The following FUT8 variants were observed in gnomAD, a reference collection of about 807,000 sequenced individuals.
FUT8 encodes the protein alpha-(1,6)-fucosyltransferase.
Under a neutral mutation model 71.3 loss-of-function variants are expected in FUT8, and 29 were observed. That is an observed-to-expected ratio of 0.41 (90% confidence interval 0.30 to 0.55). The LOEUF (loss-of-function observed/expected upper bound fraction) is 0.55, where lower values mean the gene tolerates loss of function less well. Ranked by LOEUF, FUT8 falls within the 20% of genes least tolerant of loss-of-function variation. FUT8 has a pLI of 0.34. For synonymous variants in FUT8, 254 were observed against 239.3 expected, an observed-to-expected ratio of 1.06 and a Z score of -0.57; for missense variants, 544 against 702.1, an observed-to-expected ratio of 0.77 and a Z score of 2.55.
upstream of FUT8, among the ~76,000 whole-genome samples, chr14:65,410,237 A>G (rs1357677789): frequency 6.6e-6 from 1 of 152,216 alleles, no homozygotes; most frequent in Non-Finnish European, 1.5e-5. Context: ...GAGAAGAGGC[A>G]GGGTATAAAA....
intron 1 of FUT8, among the ~76,000 whole-genome samples, chr14:65,418,758 G>A (rs188952849): frequency 9.2e-4 from 140 of 152,166 alleles, no homozygotes; most frequent in Non-Finnish European, 1.8e-3. Context: ...TAAGAAATGC[G>A]GGAATTGACC....
chr14:65,656,492 A>G (rs1891687486), intron 6 of FUT8, among the ~76,000 whole-genome samples: 2 of 152,246 alleles, frequency 1.3e-5, no homozygotes. Flanking sequence ...GAGAACATAA[A>G]AAATGGAAAG....
At chr14:65,486,066 T>G (rs1170027367) in intron 2 of FUT8, among the ~76,000 whole-genome samples, 2 of 152,222 alleles carry the variant, frequency 1.3e-5, no homozygotes, top group African/African-American at 4.8e-5. Flanking sequence ...ATTTTCCATT[T>G]TTTAAAACTT....
At chr14:65,508,761 C>G (rs1279399588) in intron 2 of FUT8, among the ~76,000 whole-genome samples, 1 of 152,088 alleles carries the variant, frequency 6.6e-6, no homozygotes, top group Non-Finnish European at 1.5e-5. Context: ...TTCCGCCTCC[C>G]AAAGTGCTGG....
the FUT8 span, among the ~76,000 whole-genome samples, chr14:65,360,248 A>G: frequency 1.3e-5 from 2 of 152,242 alleles, no homozygotes; most frequent in African/African-American, 2.4e-5. Context: ...ATCAAAATCT[A>G]ACATGAAACA....
chr14:65,401,332 T>A, the FUT8 span, among the ~76,000 whole-genome samples: 1 of 152,180 alleles, frequency 6.6e-6, no homozygotes, highest in Non-Finnish European at 1.5e-5. Flanking sequence ...CCAGTTCCTG[T>A]GTTTGCTACA....
At chr14:65,381,692 C>A in the FUT8 span, among the ~76,000 whole-genome samples, 1 of 152,138 alleles carries the variant, frequency 6.6e-6, no homozygotes, top group African/African-American at 2.4e-5. Context: ...ATTCCTTTCC[C>A]AGGCTGACTA....
At chr14:65,484,038 A>G (rs902893769) in intron 2 of FUT8, among the ~76,000 whole-genome samples, 6 of 152,132 alleles carry the variant, frequency 3.9e-5, no homozygotes, top group Non-Finnish European at 2.9e-5. Context: ...ATAACATACA[A>G]TTTTTAATTG....
chr14:65,651,365 C>T (rs1441216157), intron 6 of FUT8, among the ~76,000 whole-genome samples: 3 of 152,198 alleles, frequency 2.0e-5, no homozygotes, highest in Non-Finnish European at 2.9e-5. Flanking sequence ...CAGAACAACA[C>T]TAAAAAGACC....
intron 2 of FUT8, among the ~76,000 whole-genome samples, chr14:65,537,448 C>T (rs772383031): frequency 1.3e-4 from 20 of 152,052 alleles, no homozygotes; most frequent in South Asian, 2.1e-4. Flanking sequence ...AGTGCAGTGG[C>T]GTGATCTCAG....
intron 2 of FUT8, among the ~76,000 whole-genome samples, chr14:65,520,401 A>C (rs1044545914): frequency 4.6e-5 from 7 of 152,120 alleles, no homozygotes; most frequent in African/African-American, 1.4e-4. Flanking sequence ...AGAGGAGAGA[A>C]GACATGTTCT....
At chr14:65,612,989 G>T (rs1223224047) in intron 3 of FUT8, among the ~76,000 whole-genome samples, 1 of 151,954 alleles carries the variant, frequency 6.6e-6, no homozygotes, top group African/African-American at 2.4e-5. Flanking sequence ...AGTTTGGAAA[G>T]AATAGTTCTC....
At chr14:65,486,512 T>A (rs1228722295) in intron 2 of FUT8, among the ~76,000 whole-genome samples, 1 of 152,196 alleles carries the variant, frequency 6.6e-6, no homozygotes, top group African/African-American at 2.4e-5. Context: ...CATGAAGAAG[T>A]CTTTAAGTCA....
intron 6 of FUT8, among the ~76,000 whole-genome samples, chr14:65,634,846 TG>T (rs1225173009): frequency 3.3e-5 from 5 of 152,188 alleles, no homozygotes; most frequent in Non-Finnish European, 4.4e-5. Flanking sequence ...ATTTTAGAAT[TG>T]TTTTTTCTAA....
chr14:65,740,928 C>G (rs1401891827), intron 10 of FUT8, among the ~76,000 whole-genome samples: 1 of 151,932 alleles, frequency 6.6e-6, no homozygotes. Flanking sequence ...GCCGGGTAGT[C>G]CTAAATTGCT....
chr14:65,365,404 G>A, the FUT8 span, among the ~76,000 whole-genome samples: 4 of 151,612 alleles, frequency 2.6e-5, no homozygotes, highest in African/African-American at 9.7e-5. Context: ...TATTGTAAGA[G>A]GCATGTGAAC....
At chr14:65,659,061 T>C (rs1192469173) in intron 6 of FUT8, among the ~76,000 whole-genome samples, 1 of 152,084 alleles carries the variant, frequency 6.6e-6, no homozygotes, top group Non-Finnish European at 1.5e-5. Flanking sequence ...TCTTAAGTTA[T>C]TTCAAAATAA....
the FUT8 span, among the ~76,000 whole-genome samples, chr14:65,361,508 C>A: frequency 6.6e-6 from 1 of 152,128 alleles, no homozygotes; most frequent in South Asian, 2.1e-4. Context: ...TAGACTATGG[C>A]CGGGTGCGGT....
chr14:65,730,189 T>C (rs1474837474), intron 9 of FUT8, among the ~76,000 whole-genome samples: 2 of 152,182 alleles, frequency 1.3e-5, no homozygotes, highest in African/African-American at 4.8e-5. Flanking sequence ...AGATGAAAAA[T>C]TAAACTTAAA....
Sources: allele counts gnomAD v4.1 joint callset (sites outside exome capture counted in the v4.1 genomes callset), GRCh38; gene constraint gnomAD v4.1.1; transcripts MANE v1.5; gene names NCBI Gene and HGNC (gene_info 2026-07-23, HGNC 2026-07-21).